The following CORO1C variants were observed in gnomAD, a reference collection of about 807,000 sequenced individuals.
CORO1C encodes the protein coronin 1C.
Under a neutral mutation model 51.2 loss-of-function variants are expected in CORO1C, and 14 were observed. The ratio of observed to expected loss-of-function variants is 0.27; its 90% CI spans 0.18 to 0.43. The LOEUF (loss-of-function observed/expected upper bound fraction) is 0.43. Among genes scored for constraint, CORO1C ranks in the 20% least tolerant of loss-of-function variants. The probability of loss-of-function intolerance (pLI) is 1.00; values close to 1 mark genes in which losing one functional copy is unlikely to be tolerated. For missense variants in CORO1C, 417 were observed against 607.8 expected, an observed-to-expected ratio of 0.69 and a Z score of 3.30; for synonymous variants, 181 against 210.5, an observed-to-expected ratio of 0.86 and a Z score of 1.21.
At chr12:108,683,526 AATAATTTTAAAAGGG>A (rs979718916) in intron 2 of CORO1C, among the ~76,000 whole-genome samples, 2 of 152,144 alleles carry the variant, frequency 1.3e-5, no homozygotes, top group Non-Finnish European at 2.9e-5. Context: ...AATGAATACC[AATAATTTTAAAAGGG>A]ACATAACTTA....
intron 10 of CORO1C, 26 bp from the exon 11 acceptor site, chr12:108,647,548 T>C (rs1286361359): frequency 1.3e-6 from 2 of 1,551,528 alleles, no homozygotes; most frequent in Non-Finnish European, 1.8e-6. Flanking sequence ...AAGGAGGCAG[T>C]GATTAAAATG....
intron 2 of CORO1C, among the ~76,000 whole-genome samples, chr12:108,697,717 A>G (rs1266527518): frequency 6.6e-6 from 1 of 152,142 alleles, no homozygotes; most frequent in Non-Finnish European, 1.5e-5. Flanking sequence ...TGAGGAGACA[A>G]ACACCTCAGT....
intron 3 of CORO1C, among the ~76,000 whole-genome samples, chr12:108,670,777 TAA>T (rs975678729): frequency 5.3e-5 from 8 of 151,738 alleles, no homozygotes; most frequent in Admixed American, 5.2e-4. Context: ...ATAAGACTGC[TAA>T]AAAGACATGC....
At chr12:108,702,709 A>T (rs1592929135) in intron 1 of CORO1C, 4 of 1,355,146 alleles carry the variant, frequency 3.0e-6, no homozygotes, top group Admixed American at 5.9e-5. Flanking sequence ...GCTGTTGCTA[A>T]TTCCTTTCCT....
intron 2 of CORO1C, among the ~76,000 whole-genome samples, chr12:108,700,436 T>C (rs1283626584): frequency 6.6e-6 from 1 of 152,112 alleles, no homozygotes; most frequent in Non-Finnish European, 1.5e-5. Context: ...CTATCTAATC[T>C]CCCACCTTGG....
At chr12:108,650,095 A>C (rs1223083908) in intron 8 of CORO1C, among the ~76,000 whole-genome samples, 1 of 150,944 alleles carries the variant, frequency 6.6e-6, no homozygotes, top group Non-Finnish European at 1.5e-5. Context: ...TAAAATCATC[A>C]TCCTCTTTAA....
intron 1 of CORO1C, among the ~76,000 whole-genome samples, chr12:108,710,833 A>T (rs2136875840): frequency 6.6e-6 from 1 of 152,250 alleles, no homozygotes; most frequent in South Asian, 2.1e-4. Context: ...AAATGCTGGG[A>T]TTACAGGTGT....
intron 2 of CORO1C, among the ~76,000 whole-genome samples, chr12:108,693,524 A>G (rs2034568338): frequency 6.6e-6 from 1 of 152,240 alleles, no homozygotes; most frequent in Non-Finnish European, 1.5e-5. Context: ...GAAAATACCA[A>G]TTTTGCCAAA....
At chr12:108,721,823 T>C (rs1451449469) in intron 1 of CORO1C, among the ~76,000 whole-genome samples, 1 of 151,934 alleles carries the variant, frequency 6.6e-6, no homozygotes, top group Non-Finnish European at 1.5e-5. Context: ...TTACAATCAC[T>C]ACCATGCCCT....
At chr12:108,714,153 G>A (rs1196062300) in intron 1 of CORO1C, among the ~76,000 whole-genome samples, 3 of 152,144 alleles carry the variant, frequency 2.0e-5, no homozygotes, top group Non-Finnish European at 4.4e-5. Context: ...CACTTTGGGA[G>A]GCCGAGGTGG....
chr12:108,712,652 G>GAC (rs1376992303), intron 1 of CORO1C, among the ~76,000 whole-genome samples: 3 of 148,788 alleles, frequency 2.0e-5, no homozygotes, highest in African/African-American at 7.4e-5. Context: ...CGAGAGAGCA[G>GAC]ACACCCAAAG....
intron 1 of CORO1C, among the ~76,000 whole-genome samples, chr12:108,715,643 C>G (rs961069061): frequency 1.5e-4 from 7 of 46,622 alleles, no homozygotes; most frequent in Admixed American, 7.2e-4. Flanking sequence ...CCCTCCCCCC[C>G]TCCCCCCCGC....
intron 2 of CORO1C, among the ~76,000 whole-genome samples, chr12:108,690,405 A>T (rs996000480): frequency 2.6e-5 from 4 of 152,232 alleles, no homozygotes; most frequent in Admixed American, 2.6e-4. Flanking sequence ...CCTGCCTGTG[A>T]GTAAAAAACA....
At chr12:108,653,158 C>A (rs1385917927) in intron 7 of CORO1C, 1 of 152,202 alleles carries the variant, frequency 6.6e-6, no homozygotes, top group African/African-American at 2.4e-5. Context: ...TCATGATTTC[C>A]ATTTGTCTCA....
At chr12:108,669,461 T>C (rs542759998) in intron 3 of CORO1C, among the ~76,000 whole-genome samples, 1 of 152,194 alleles carries the variant, frequency 6.6e-6, no homozygotes, top group Admixed American at 6.5e-5. Flanking sequence ...TCGATAGGCA[T>C]ATTATTATCA....
At chr12:108,662,716 C>T (rs1259148693) in intron 3 of CORO1C, among the ~76,000 whole-genome samples, 1 of 151,976 alleles carries the variant, frequency 6.6e-6, no homozygotes, top group Non-Finnish European at 1.5e-5. Context: ...GATGGGATGA[C>T]ATAGTTTTTA....
At position 108,652,055 on chromosome 12, in the gene CORO1C, C is replaced by CTTTT. The variant is rs202228272; in HGVS notation, c.1001+213_1001+216dup. The CTTTT allele has an allele frequency of 1.7e-3, 248 of 142,910 alleles. 6 individuals are homozygous for CTTTT. Among genetic ancestry groups the CTTTT allele is most frequent in the South Asian group, 7.7e-3 (35 of 4,566 alleles). 8.9% of individuals were successfully genotyped at this position (142,910 alleles called of 1,614,324 possible). A position where few individuals can be genotyped will look rare whatever the true frequency, so the allele number is the denominator to read the frequency against. ...AAAAAAAGTGAGATTTTTTTCTTTTCTTTTTTTTTTTTTTTTGAGATTTTT... is the reference window on the plus strand; with the variant it reads ...AAAAAAAGTGAGATTTTTTTCTTTTCTTTTTTTTTTTTTTTTTTTTGAGATTTTT... On this transcript the variant is annotated intron_variant, in intron 8 of 10. Coordinates refer to ENST00000261401, the MANE Select transcript of CORO1C (RefSeq NM_014325.4).
intron 1 of CORO1C, among the ~76,000 whole-genome samples, chr12:108,725,976 AC>A (rs2035579265): frequency 6.6e-6 from 1 of 151,840 alleles, no homozygotes; most frequent in African/African-American, 2.4e-5. Context: ...AGCTGGGACT[AC>A]AGGCGCGTGC....
chr12:108,706,097 G>A (rs958094183), intron 1 of CORO1C, among the ~76,000 whole-genome samples: 1 of 146,424 alleles, frequency 6.8e-6, no homozygotes, highest in South Asian at 2.2e-4. Flanking sequence ...AGAGGCAGGA[G>A]AATTGCTTGA....
Sources: gnomAD v4.1 joint callset for allele counts (sites outside exome capture counted in the v4.1 genomes callset) on GRCh38, gnomAD v4.1.1 for gene constraint, MANE v1.5 for transcripts, NCBI Gene and HGNC (gene_info 2026-07-23, HGNC 2026-07-21) for gene names.